Variants in PTPRQ observed in about 807,000 individuals in gnomAD.
The protein encoded by PTPRQ is phosphatidylinositol phosphatase PTPRQ.
In PTPRQ, 199 loss-of-function variants were observed where a neutral mutation model predicts 246.0. The ratio of observed to expected loss-of-function variants is 0.81; its 90% CI spans 0.72 to 0.91. The LOEUF is 0.91. Among genes scored for constraint, PTPRQ ranks in the 40% least tolerant of loss-of-function variants. The probability of loss-of-function intolerance (pLI) is 0.00; values close to 1 mark genes in which losing one functional copy is unlikely to be tolerated. For missense variants in PTPRQ, 2,624 were observed against 2,528.4 expected (o/e 1.04, Z -0.81); for synonymous variants, 869 against 853.2 (o/e 1.02, Z -0.32).
intron 6 of PTPRQ, chr12:80,462,533 T>A (rs1322058074): frequency 6.6e-6 from 1 of 151,124 alleles, no homozygotes; most frequent in African/African-American, 2.4e-5. Flanking sequence ...AGCACACAGC[T>A]GGAGATCTGA....
At chr12:80,491,218 C>A (rs1479216913) in intron 9 of PTPRQ, among the ~76,000 whole-genome samples, 1 of 151,888 alleles carries the variant, frequency 6.6e-6, no homozygotes, top group Non-Finnish European at 1.5e-5. Flanking sequence ...AGATTTAATG[C>A]AAAACCATAG....
chr12:80,516,754 T>C (rs1432732293), intron 17 of PTPRQ, among the ~76,000 whole-genome samples: 6 of 152,152 alleles, frequency 3.9e-5, no homozygotes, highest in Non-Finnish European at 8.8e-5. Context: ...ATAATATAGA[T>C]CAATCATCAG....
At chr12:80,595,187 C>T (rs1405969712) in intron 26 of PTPRQ, among the ~76,000 whole-genome samples, 16 of 152,068 alleles carry the variant, frequency 1.1e-4, no homozygotes. Flanking sequence ...GTCCCACCTC[C>T]CAAAATTTGT....
Position 80,506,076 on chromosome 12 carries a change from G to T in PTPRQ, c.2325G>T (p.Glu775Asp), listed in dbSNP as rs1310601410. 1.9e-6 allele frequency: 3 copies of T among 1,546,908 alleles called. No individual in the cohort carries two copies. Among genetic ancestry groups the T allele is most frequent in the Non-Finnish European group, 2.6e-6 (3 of 1,144,968 alleles). The stretch of plus-strand genomic sequence containing the variant: ...CTTACAAAAATATTTCTTCTGGAGA[G>T]ATTGAGCTATCATTCCTTCCCCCAA... ...NITYKNISSGEIELSFLPPSS... is the reference protein window; with the variant it reads ...NITYKNISSGDIELSFLPPSS... Residue 775 changes from glutamate to aspartate, a missense_variant, in exon 15 of 45, where the codon GAG becomes GAT. Coordinates refer to ENST00000644991, the MANE Select transcript of PTPRQ (RefSeq NM_001145026.2).
chr12:80,554,995 C>G (rs1896603373), intron 25 of PTPRQ, among the ~76,000 whole-genome samples: 1 of 152,086 alleles, frequency 6.6e-6, no homozygotes, highest in African/African-American at 2.4e-5. Context: ...CTCACTGCAG[C>G]CTCCACCTCT....
chr12:80,622,887 G>C lies in PTPRQ; in HGVS notation c.5686+753G>C, dbSNP rs146925221. ...ATTTTATAGTTAGTAAATTTTTAAA[G>C]TTTAATAGCTTTTTTGGATAGGTTA... On this transcript the variant is annotated intron_variant, in intron 33 of 44. Coordinates refer to ENST00000644991, the MANE Select transcript of PTPRQ (RefSeq NM_001145026.2). Among the ~76,000 whole-genome samples, 567 of 151,898 alleles carry C rather than the reference G, an allele frequency of 3.7e-3. 6 individuals are homozygous for C. The highest frequency in any genetic ancestry group is 0.013 in the African/African-American group (550 of 41,478).
At chr12:80,601,448 C>T (rs1415358665) in intron 26 of PTPRQ, among the ~76,000 whole-genome samples, 2 of 151,736 alleles carry the variant, frequency 1.3e-5, no homozygotes, top group African/African-American at 2.4e-5. Flanking sequence ...CCTCTTAGTG[C>T]CTAGCACATA....
At chr12:80,528,965 C>T (rs1025061819) in intron 17 of PTPRQ, among the ~76,000 whole-genome samples, 1 of 152,138 alleles carries the variant, frequency 6.6e-6, no homozygotes, top group Admixed American at 6.5e-5. Flanking sequence ...ACCAAGTTAG[C>T]CAGTCAACCA....
At chr12:80,677,711 G>A (rs1211310059) in intron 43 of PTPRQ, among the ~76,000 whole-genome samples, 3 of 152,136 alleles carry the variant, frequency 2.0e-5, no homozygotes, top group Admixed American at 2.0e-4. Flanking sequence ...TTCAATAGAG[G>A]AGTTCCAAAA....
chr12:80,513,344 G>T (rs1895180023), intron 17 of PTPRQ, among the ~76,000 whole-genome samples: 1 of 152,102 alleles, frequency 6.6e-6, no homozygotes, highest in South Asian at 2.1e-4. Context: ...CCGCCAAACT[G>T]TGCGTTGTTC....
intron 33 of PTPRQ, 51 bp from the exon 34 acceptor site, chr12:80,632,141 A>G: frequency 6.6e-7 from 1 of 1,515,644 alleles, no homozygotes. Flanking sequence ...TTGGGATTCA[A>G]AATAAGATTC....
At position 80,459,477 on chromosome 12, in the gene PTPRQ, A is replaced by T. The variant is rs1156256416; in HGVS notation, c.654A>T (p.Glu218Asp). ...ACATTTTGACTGGGAAATTGCCAGA[A>T]TGCAATGTAAGTATCACAGAACACT... ...VEDILTGKLP[E>D]CNENSESFLW... The change falls in exon 5 of 45, where the codon GAA becomes GAT. Residue 218 changes from glutamate (E) to aspartate (D), a missense_variant. Coordinates refer to ENST00000644991, the MANE Select transcript of PTPRQ (RefSeq NM_001145026.2). 7.5e-6 allele frequency: 3 copies of T among 398,326 alleles called. No individual in the cohort carries two copies. Among genetic ancestry groups the T allele is most frequent in the Non-Finnish European group, 1.3e-5 (3 of 225,930 alleles). 24.7% of individuals were successfully genotyped at this position (398,326 alleles called of 1,614,324 possible). A position where few individuals can be genotyped will look rare whatever the true frequency, so the allele number is the denominator to read the frequency against.
In PTPRQ at chr12:80,468,741, A is replaced by C. The variant is rs1458621193; in HGVS notation, c.942A>C (p.Thr314=). Residue 314 remains threonine (T), a synonymous_variant, in exon 7 of 45, where the codon ACA becomes ACC. Coordinates refer to ENST00000644991, the MANE Select transcript of PTPRQ (RefSeq NM_001145026.2). ...VPEGPPQNCV[T]GNITGKSFSI... ...AAGGACCACCACAAAACTGCGTAAC[A>C]GGCAACATCACAGGAAAGTCCTTTT... 1.9e-6 allele frequency: 3 copies of C among 1,548,978 alleles called. No individual in the cohort carries two copies. In the Admixed American group the frequency reaches 5.9e-5, roughly 31 times the overall value.
At chr12:80,480,563 CA>C (rs1374919777) in intron 8 of PTPRQ, among the ~76,000 whole-genome samples, 17 of 145,128 alleles carry the variant, frequency 1.2e-4, no homozygotes, top group Non-Finnish European at 2.0e-4. Context: ...AAAAACCCTT[CA>C]AAAAATCAAT....
intron 14 of PTPRQ, among the ~76,000 whole-genome samples, chr12:80,499,293 G>T (rs552153320): frequency 6.6e-6 from 1 of 152,092 alleles, no homozygotes; most frequent in African/African-American, 2.4e-5. Flanking sequence ...CTGGTTCTCT[G>T]TCCTAAGTTA....
rs187414753 is a variant in PTPRQ at position 80,522,757 on chromosome 12, T to C, written c.2679-11258T>C. On this transcript the variant is annotated intron_variant, in intron 17 of 44. Coordinates refer to ENST00000644991, the MANE Select transcript of PTPRQ (RefSeq NM_001145026.2). The stretch of plus-strand genomic sequence containing the variant: ...AAGCTTTTTGATGTGCTGCTGGATT[T>C]GGTTTGCCAGTATTTTATTGAGGAT... Among the ~76,000 whole-genome samples, 116 of 152,300 alleles carry C rather than the reference T, an allele frequency of 7.6e-4. 1 individual carries two copies. The highest frequency in any genetic ancestry group is 1.5e-3 in the African/African-American group (64 of 41,586).
At chr12:80,520,113 C>G (rs866578654) in intron 17 of PTPRQ, among the ~76,000 whole-genome samples, 7 of 152,182 alleles carry the variant, frequency 4.6e-5, no homozygotes, top group African/African-American at 1.7e-4. Context: ...TTGTCACGAA[C>G]AGTCTGTTCT....
intron 17 of PTPRQ, among the ~76,000 whole-genome samples, chr12:80,518,868 T>C (rs115009960): frequency 0.019 from 2,914 of 152,306 alleles, 93 homozygotes; most frequent in African/African-American, 0.066. Context: ...CATACTATTT[T>C]GGTTACTATA....
intron 25 of PTPRQ, among the ~76,000 whole-genome samples, chr12:80,570,598 T>C (rs1318447630): frequency 6.6e-6 from 1 of 152,212 alleles, no homozygotes; most frequent in Non-Finnish European, 1.5e-5. Flanking sequence ...TTGTATCCCA[T>C]TTGTCAATTT....
Sources: allele counts gnomAD v4.1 joint callset (sites outside exome capture counted in the v4.1 genomes callset), GRCh38; gene constraint gnomAD v4.1.1; transcripts MANE v1.5; gene names NCBI Gene and HGNC (gene_info 2026-07-23, HGNC 2026-07-21).